The following CCSER1 variants were observed in gnomAD, a reference collection of about 807,000 sequenced individuals.
CCSER1 encodes the protein coiled-coil serine rich protein 1.
Under a neutral mutation model 82.0 loss-of-function variants are expected in CCSER1, and 41 were observed. That is an observed-to-expected ratio of 0.50 (90% CI 0.39 to 0.65). CCSER1 has a LOEUF of 0.65. Among genes scored for constraint, CCSER1 ranks in the 30% least tolerant of loss-of-function variants. The probability of loss-of-function intolerance (pLI) is 0.00; values close to 1 mark genes in which losing one functional copy is unlikely to be tolerated. For synonymous variants in CCSER1, 414 were observed against 383.9 expected, an observed-to-expected ratio of 1.08 and a Z score of -0.92; for missense variants, 1,119 against 1,064.2, an observed-to-expected ratio of 1.05 and a Z score of -0.72.
At chr4:90,966,496 C>T (rs1734573722) in intron 9 of CCSER1, among the ~76,000 whole-genome samples, 2 of 152,042 alleles carry the variant, frequency 1.3e-5, no homozygotes, top group Admixed American at 6.6e-5. Context: ...TCCAACCAAA[C>T]TGTCTTTCAA....
chr4:90,563,208 T>C (rs1579178905), intron 5 of CCSER1, among the ~76,000 whole-genome samples: 1 of 151,708 alleles, frequency 6.6e-6, no homozygotes, highest in South Asian at 2.1e-4. Flanking sequence ...GCCTCCCGGG[T>C]TGAAGCAATT....
intron 1 of CCSER1, among the ~76,000 whole-genome samples, chr4:90,173,293 T>G (rs998149823): frequency 3.3e-5 from 5 of 151,744 alleles, no homozygotes; most frequent in Non-Finnish European, 5.9e-5. Context: ...TAAGAGTAAT[T>G]CATGTTTGTT....
chr4:90,850,887 T>G (rs1477423693), intron 8 of CCSER1, among the ~76,000 whole-genome samples: 2 of 152,142 alleles, frequency 1.3e-5, no homozygotes, highest in Non-Finnish European at 2.9e-5. Flanking sequence ...ATGATATGGT[T>G]TGGCTTTGTA....
intron 10 of CCSER1, among the ~76,000 whole-genome samples, chr4:91,415,638 G>A (rs938844770): frequency 7.2e-5 from 11 of 151,898 alleles, no homozygotes; most frequent in South Asian, 2.1e-4. Context: ...GAATATTATC[G>A]AAGGCCTTTT....
intron 10 of CCSER1, among the ~76,000 whole-genome samples, chr4:91,546,987 T>TC (rs1055430711): frequency 7.4e-5 from 11 of 149,596 alleles, no homozygotes; most frequent in East Asian, 3.9e-4. Context: ...TTTTTTTTTT[T>TC]CACCCATGTG....
chr4:91,349,088 T>C (rs1184099659), intron 10 of CCSER1, among the ~76,000 whole-genome samples: 1 of 152,044 alleles, frequency 6.6e-6, no homozygotes, highest in Admixed American at 6.5e-5. Flanking sequence ...TCTGTATTTT[T>C]AGTAGAGACA....
chr4:90,186,386 G>GTGAC (rs1307310204), intron 1 of CCSER1, among the ~76,000 whole-genome samples: 2 of 151,958 alleles, frequency 1.3e-5, no homozygotes, highest in African/African-American at 4.8e-5. Flanking sequence ...TTAACCCTGG[G>GTGAC]TGACTTTTTG....
At chr4:90,808,591 A>G (rs2149729282) in intron 7 of CCSER1, among the ~76,000 whole-genome samples, 1 of 152,304 alleles carries the variant, frequency 6.6e-6, no homozygotes, top group East Asian at 1.9e-4. Flanking sequence ...ATAAGCAGAC[A>G]TTCCTCAAAA....
At chr4:90,158,152 T>C (rs997772399) in intron 1 of CCSER1, among the ~76,000 whole-genome samples, 1 of 150,862 alleles carries the variant, frequency 6.6e-6, no homozygotes, top group Non-Finnish European at 1.5e-5. Flanking sequence ...CAGACCCTGT[T>C]TGCCTGGGTA....
intron 10 of CCSER1, among the ~76,000 whole-genome samples, chr4:91,462,800 G>A (rs1456037197): frequency 1.3e-5 from 2 of 152,174 alleles, no homozygotes; most frequent in African/African-American, 2.4e-5. Flanking sequence ...AGGCAGCAGT[G>A]AGGCTTGGGG....
intron 1 of CCSER1, among the ~76,000 whole-genome samples, chr4:90,271,856 ATATATATTTTTTTTTTTTTTTT>A (rs1480388662): frequency 2.3e-4 from 6 of 26,112 alleles, no homozygotes; most frequent in African/African-American, 1.9e-3. Context: ...ATATATATAT[ATATATATTTTTTTTTTTTTTTT>A]TTTTTTTTTT....
rs548454752 is a variant in CCSER1, at chr4:91,213,226, A to G, written c.2217+127232A>G. 1.1e-3 allele frequency among the ~76,000 whole-genome samples: 164 copies of G among 152,098 alleles called. 2 individuals carry two copies. The highest frequency in any genetic ancestry group is 3.6e-3 in the African/African-American group (151 of 41,510). ...AATTTTTTTTTAATGTAATGTCTCAACTTTTGATATGGATGTTTGTACATT... is the reference window on the plus strand; with the variant it reads ...AATTTTTTTTTAATGTAATGTCTCAGCTTTTGATATGGATGTTTGTACATT... On this transcript the variant is annotated intron_variant, in intron 10 of 10. Transcript: ENST00000509176.
chr4:90,749,359 G>C (rs375282983), intron 7 of CCSER1, among the ~76,000 whole-genome samples: 3 of 151,548 alleles, frequency 2.0e-5, no homozygotes, highest in African/African-American at 7.3e-5. Context: ...GATATGCGGC[G>C]TTATTTCTGA....
intron 10 of CCSER1, among the ~76,000 whole-genome samples, chr4:91,154,668 T>C (rs958920640): frequency 9.9e-5 from 15 of 152,016 alleles, no homozygotes; most frequent in African/African-American, 2.9e-4. Flanking sequence ...TTGGAACCTT[T>C]TTCCCAGACA....
intron 10 of CCSER1, among the ~76,000 whole-genome samples, chr4:91,158,848 G>A (rs1464384945): frequency 6.6e-6 from 1 of 151,984 alleles, no homozygotes; most frequent in Non-Finnish European, 1.5e-5. Flanking sequence ...ATGAATTGGA[G>A]AGTCAGAAGA....
chr4:91,561,095 A>G lies in CCSER1; in HGVS notation c.2218-37477A>G, dbSNP rs78121622. Among the ~76,000 whole-genome samples, 82 of 151,548 alleles carry G rather than the reference A, an allele frequency of 5.4e-4. 1 individual carries two copies. The East Asian group carries it at 0.016, about 29-fold the overall frequency. ...CTCTCCTAACCTATAACAATAGCCT[A>G]CTATTCTCACTCCAACCTGGAATAT... On this transcript the variant is annotated intron_variant, in intron 10 of 10. Transcript: ENST00000509176.
intron 10 of CCSER1, among the ~76,000 whole-genome samples, chr4:91,500,550 G>A (rs943555855): frequency 1.3e-5 from 2 of 151,912 alleles, no homozygotes; most frequent in African/African-American, 4.8e-5. Flanking sequence ...TTTGACTACA[G>A]TCAATTTTTG....
chr4:91,074,932 G>GA (rs144207662), intron 9 of CCSER1, among the ~76,000 whole-genome samples: 4,538 of 152,076 alleles, frequency 0.03, 216 homozygotes, highest in African/African-American at 0.1. Flanking sequence ...TTTTCAATCA[G>GA]AAAAAATAAA....
intron 1 of CCSER1, among the ~76,000 whole-genome samples, chr4:90,147,392 T>C (rs978460894): frequency 3.3e-5 from 5 of 152,164 alleles, no homozygotes; most frequent in Admixed American, 1.3e-4. Flanking sequence ...TATAACTGCT[T>C]ATTAGGTCAA....
Sources: gnomAD v4.1 joint callset for allele counts (sites outside exome capture counted in the v4.1 genomes callset) on GRCh38, gnomAD v4.1.1 for gene constraint, MANE v1.5 for transcripts, NCBI Gene and HGNC (gene_info 2026-07-23, HGNC 2026-07-21) for gene names.